The following GHR variants were observed in gnomAD, a reference collection of about 807,000 sequenced individuals.
The protein encoded by GHR is growth hormone receptor, also known as GH receptor.
Under a neutral mutation model 67.1 loss-of-function variants are expected in GHR, and 35 were observed. That is an observed-to-expected ratio of 0.52 (90% CI 0.40 to 0.69). The LOEUF (loss-of-function observed/expected upper bound fraction) is 0.69. Among genes scored for constraint, GHR ranks in the 30% least tolerant of loss-of-function variants. The probability of loss-of-function intolerance (pLI) is 0.00; values close to 1 mark genes in which losing one functional copy is unlikely to be tolerated. For missense variants in GHR, 792 were observed against 764.6 expected, an observed-to-expected ratio of 1.04 and a Z score of -0.42; for synonymous variants, 272 against 269.1, an observed-to-expected ratio of 1.01 and a Z score of -0.10.
intron 6 of GHR, 78 bp from the exon 7 acceptor site, chr5:42,711,129 T>C (rs1380113596): frequency 7.9e-6 from 8 of 1,014,764 alleles, no homozygotes; most frequent in Non-Finnish European, 1.3e-5. Context: ...TGAATAAAAA[T>C]GGGAGAATAC....
chr5:42,653,220 A>G (rs1436490004), intron 3 of GHR, among the ~76,000 whole-genome samples: 1 of 152,158 alleles, frequency 6.6e-6, no homozygotes, highest in Non-Finnish European at 1.5e-5. Flanking sequence ...TTAAACATTT[A>G]TTAAGCAGGC....
intron 1 of GHR, among the ~76,000 whole-genome samples, chr5:42,558,467 AT>A (rs1279211658): frequency 1.3e-5 from 2 of 152,368 alleles, no homozygotes; most frequent in African/African-American, 4.8e-5. Flanking sequence ...TGCAAGCCAC[AT>A]ATGTAATTTA....
intron 1 of GHR, among the ~76,000 whole-genome samples, chr5:42,498,101 A>G (rs1210545671): frequency 2.0e-5 from 3 of 152,186 alleles, no homozygotes; most frequent in Non-Finnish European, 4.4e-5. Context: ...TCTCTAGTGA[A>G]GGCCACACCT....
intron 1 of GHR, among the ~76,000 whole-genome samples, chr5:42,531,262 A>G (rs1448962890): frequency 1.7e-5 from 2 of 118,448 alleles, no homozygotes; most frequent in African/African-American, 3.7e-5. Flanking sequence ...GTGAGAGTCC[A>G]TCTCCAAAAA....
intron 3 of GHR, among the ~76,000 whole-genome samples, chr5:42,654,755 G>A (rs1287139668): frequency 1.3e-5 from 2 of 152,118 alleles, no homozygotes; most frequent in African/African-American, 2.4e-5. Flanking sequence ...TACCCCAGTG[G>A]TTTTGCTGCA....
chr5:42,685,981 A>G (rs968971866), intron 3 of GHR, among the ~76,000 whole-genome samples: 3 of 151,926 alleles, frequency 2.0e-5, no homozygotes, highest in Admixed American at 6.6e-5. Context: ...TTTTGTTGCT[A>G]TTGCTTTTGG....
At chr5:42,525,211 A>T (rs1392939024) in intron 1 of GHR, among the ~76,000 whole-genome samples, 1 of 152,192 alleles carries the variant, frequency 6.6e-6, no homozygotes, top group Non-Finnish European at 1.5e-5. Context: ...AGCAGACAGG[A>T]GGGAGACTGT....
chr5:42,548,755 T>A (rs1478910972), intron 1 of GHR, among the ~76,000 whole-genome samples: 1 of 152,178 alleles, frequency 6.6e-6, no homozygotes. Context: ...AAGCGAAACT[T>A]CTTTTTTTCT....
At chr5:42,648,975 A>G (rs954099631) in intron 3 of GHR, among the ~76,000 whole-genome samples, 2 of 152,186 alleles carry the variant, frequency 1.3e-5, no homozygotes, top group Admixed American at 6.5e-5. Flanking sequence ...TTTCTGTCTG[A>G]TAAGTTCAAA....
chr5:42,424,379 C>T lies in GHR; in HGVS notation c.-12+424C>T, dbSNP rs1258123295. ...TTGCTAGTGTGTTTCTGTTTGCCATCATCTGCCTGGCTGCGGCAGGAACTG... is the reference window on the plus strand; with the variant it reads ...TTGCTAGTGTGTTTCTGTTTGCCATTATCTGCCTGGCTGCGGCAGGAACTG... On this transcript the variant is annotated intron_variant, in intron 1 of 9. Transcript: ENST00000230882. The surrounding 1 kb of genome is among the most constrained non-coding windows in gnomAD (Gnocchi z 4.1). 1.7e-6 allele frequency: 1 copy of T among 596,726 alleles called. No individual in the cohort carries two copies. The highest frequency in any genetic ancestry group is 1.9e-5 in the African/African-American group (1 of 53,706). 37.0% of individuals were successfully genotyped at this position (596,726 alleles called of 1,614,324 possible).
chr5:42,531,997 G>A (rs80127395), intron 1 of GHR, among the ~76,000 whole-genome samples: 5 of 149,290 alleles, frequency 3.3e-5, no homozygotes, highest in Admixed American at 3.3e-4. Flanking sequence ...TTTTTTTTTG[G>A]CATTAATCAG....
At chr5:42,427,331 A>G (rs986482811) in intron 1 of GHR, among the ~76,000 whole-genome samples, 2 of 152,218 alleles carry the variant, frequency 1.3e-5, no homozygotes, top group African/African-American at 4.8e-5. Flanking sequence ...GTGAAGGAGG[A>G]GCAAAGGCAT....
intron 2 of GHR, among the ~76,000 whole-genome samples, chr5:42,567,100 C>CAA (rs1749986122): frequency 1.3e-5 from 2 of 152,110 alleles, no homozygotes; most frequent in Admixed American, 1.3e-4. Flanking sequence ...GCAGCTTTTC[C>CAA]CATGGCTGGT....
chr5:42,479,319 T>G (rs1486463315), intron 1 of GHR, among the ~76,000 whole-genome samples: 1 of 152,234 alleles, frequency 6.6e-6, no homozygotes, highest in African/African-American at 2.4e-5. Context: ...GCATCAATGT[T>G]CATCAAGGAT....
intron 1 of GHR, among the ~76,000 whole-genome samples, chr5:42,473,554 A>T (rs1745099337): frequency 6.6e-6 from 1 of 152,190 alleles, no homozygotes. Flanking sequence ...AGCTCAGAAA[A>T]GCTGATAAGC....
intron 1 of GHR, among the ~76,000 whole-genome samples, chr5:42,457,528 G>A (rs540405904): frequency 9.2e-5 from 14 of 152,236 alleles, no homozygotes; most frequent in Non-Finnish European, 1.9e-4. Context: ...TTATAGGTGA[G>A]GAACACAGAG....
In GHR at chr5:42,424,633, G is replaced by C. The variant is rs1400965906; in HGVS notation, c.-12+678G>C. 1.3e-6 allele frequency: 2 copies of C among 1,523,438 alleles called. No homozygotes were observed. Among genetic ancestry groups the C allele is most frequent in the Non-Finnish European group, 1.8e-6 (2 of 1,135,774 alleles). 94.4% of individuals were successfully genotyped at this position (1,523,438 alleles called of 1,614,324 possible). ...AATTGTGGCGAGCCGACCTCCCCCA[G>C]CTTTTGACACACTAGTGGTTGTAAA... is the stretch of plus-strand genomic sequence containing the variant. On this transcript the variant is annotated intron_variant, in intron 1 of 9. Coordinates refer to ENST00000230882, the MANE Select transcript of GHR (RefSeq NM_000163.5). The surrounding 1 kb of genome is among the most constrained non-coding windows in gnomAD (Gnocchi z 4.1).
At chr5:42,592,341 G>C (rs1458222473) in intron 2 of GHR, among the ~76,000 whole-genome samples, 1 of 152,032 alleles carries the variant, frequency 6.6e-6, no homozygotes, top group African/African-American at 2.4e-5. Context: ...GGGAGTTTGG[G>C]GCATACATGA....
chr5:42,709,606 T>C (rs1449598257), intron 6 of GHR, among the ~76,000 whole-genome samples: 2 of 152,174 alleles, frequency 1.3e-5, no homozygotes, highest in African/African-American at 4.8e-5. Context: ...GATATTGCAC[T>C]GGACTTTGGA....
Sources: allele counts gnomAD v4.1 joint callset (sites outside exome capture counted in the v4.1 genomes callset), GRCh38; gene constraint gnomAD v4.1.1; non-coding constraint Gnocchi (gnomAD v3.1); transcripts MANE v1.5; gene names NCBI Gene and HGNC (gene_info 2026-07-23, HGNC 2026-07-21).